TCF7L2: variants seen among roughly 807,000 people sequenced by gnomAD.
The protein encoded by TCF7L2 is transcription factor 7-like 2.
Under a neutral mutation model 77.9 loss-of-function variants are expected in TCF7L2, and 23 were observed. The ratio of observed to expected loss-of-function variants is 0.30; its 90% CI spans 0.21 to 0.42. The LOEUF (loss-of-function observed/expected upper bound fraction) is 0.42, where lower values mean the gene tolerates loss of function less well. Among genes scored for constraint, TCF7L2 ranks in the 10% least tolerant of loss-of-function variants. The probability of loss-of-function intolerance (pLI) is 1.00; values close to 1 mark genes in which losing one functional copy is unlikely to be tolerated. For synonymous variants in TCF7L2, 413 were observed against 340.2 expected, an observed-to-expected ratio of 1.21 and a Z score of -2.36; for missense variants, 654 against 793.1, an observed-to-expected ratio of 0.82 and a Z score of 2.11.
At chr10:113,066,823 A>G (rs1279291715) in intron 5 of TCF7L2, among the ~76,000 whole-genome samples, 1 of 152,234 alleles carries the variant, frequency 6.6e-6, no homozygotes, top group Admixed American at 6.5e-5. Context: ...CGGTATTGAC[A>G]GATGAGGAGG....
chr10:113,074,638 C>T (rs1014613963), intron 5 of TCF7L2, among the ~76,000 whole-genome samples: 73 of 152,170 alleles, frequency 4.8e-4, no homozygotes, highest in Admixed American at 4.7e-3. Context: ...TTCCTGATCT[C>T]GGTTGAGTAT....
intron 4 of TCF7L2, among the ~76,000 whole-genome samples, chr10:112,972,577 T>C (rs2038511156): frequency 6.6e-6 from 1 of 152,112 alleles, no homozygotes; most frequent in Non-Finnish European, 1.5e-5. Context: ...CTAAGGTGAT[T>C]CTCCCACCTC....
chr10:113,101,571 G>A (rs992872681), intron 5 of TCF7L2, among the ~76,000 whole-genome samples: 17 of 152,052 alleles, frequency 1.1e-4, no homozygotes, highest in African/African-American at 3.6e-4. Context: ...GGCTGGGCGC[G>A]GTGGCTCACG....
chr10:113,126,032 A>G (rs1033140826), intron 5 of TCF7L2: 3 of 152,072 alleles, frequency 2.0e-5, no homozygotes, highest in Non-Finnish European at 2.9e-5. Context: ...TACTATGCTT[A>G]GAAGACGCGC....
At chr10:113,035,609 C>A (rs1424578289) in intron 4 of TCF7L2, among the ~76,000 whole-genome samples, 3 of 152,210 alleles carry the variant, frequency 2.0e-5, no homozygotes, top group Admixed American at 6.5e-5. Context: ...GTTGCCCAGG[C>A]TGGTCTGGAA....
chr10:113,009,012 T>C (rs755543398), intron 4 of TCF7L2, among the ~76,000 whole-genome samples: 1 of 152,182 alleles, frequency 6.6e-6, no homozygotes, highest in Non-Finnish European at 1.5e-5. Flanking sequence ...CGCAATCCAC[T>C]GTAACCATTG....
rs934984352 is a variant in TCF7L2, at chr10:113,167,095, C to T, written c.*1123C>T. On this transcript the variant is annotated 3_prime_UTR_variant, in exon 14 of 14. Transcript: ENST00000627217. ...GTGCCAAAATTCTCAGTGAATTTAG[C>T]TTTCTCCCTCTTTTTGATGCTGTAA... 2 of 230,194 alleles carry T rather than the reference C, an allele frequency of 8.7e-6. No individual in the cohort carries two copies. The highest frequency in any genetic ancestry group is 1.7e-5 in the Non-Finnish European group (2 of 116,182). The allele number at this position is 230,194 out of a possible 1,614,324, so 14.3% of individuals were successfully genotyped here. A position where few individuals can be genotyped will look rare whatever the true frequency, so the allele number is the denominator to read the frequency against.
intron 5 of TCF7L2, among the ~76,000 whole-genome samples, chr10:113,066,321 C>T (rs1364071864): frequency 1.3e-5 from 2 of 151,262 alleles, no homozygotes; most frequent in East Asian, 1.9e-4. Context: ...GCTGAGATTG[C>T]GCCATTGCAC....
At chr10:113,014,021 A>G (rs558961833) in intron 4 of TCF7L2, among the ~76,000 whole-genome samples, 2 of 152,328 alleles carry the variant, frequency 1.3e-5, no homozygotes, top group Admixed American at 6.5e-5. Flanking sequence ...AGGCCCCTAA[A>G]AGGGGTCCCT....
intron 5 of TCF7L2, among the ~76,000 whole-genome samples, chr10:113,111,064 A>T (rs2063070466): frequency 1.4e-5 from 2 of 147,680 alleles, no homozygotes; most frequent in African/African-American, 5.0e-5. Flanking sequence ...CTAAGTGGTG[A>T]TTAAAAACTT....
chr10:113,131,840 G>T (rs1178013298), intron 5 of TCF7L2, among the ~76,000 whole-genome samples: 1 of 152,168 alleles, frequency 6.6e-6, no homozygotes, highest in Admixed American at 6.5e-5. Flanking sequence ...ATGCCCTCCA[G>T]ATTACGTAGT....
At chr10:113,012,329 C>T (rs188455706) in intron 4 of TCF7L2, among the ~76,000 whole-genome samples, 2 of 152,252 alleles carry the variant, frequency 1.3e-5, no homozygotes, top group East Asian at 1.9e-4. Flanking sequence ...CTGACTGCTC[C>T]GTTTATGAAA....
chr10:113,100,617 C>G (rs998661090), intron 5 of TCF7L2, among the ~76,000 whole-genome samples: 1 of 152,104 alleles, frequency 6.6e-6, no homozygotes, highest in African/African-American at 2.4e-5. Flanking sequence ...GCTTAGAATT[C>G]CATGAACCAA....
intron 5 of TCF7L2, among the ~76,000 whole-genome samples, chr10:113,133,568 G>A (rs72828131): frequency 1.4e-4 from 22 of 152,310 alleles, no homozygotes; most frequent in Non-Finnish European, 2.5e-4. Context: ...TGAAGTGATC[G>A]AGTTAGTTCT....
chr10:113,003,489 G>A (rs191696782), intron 4 of TCF7L2, among the ~76,000 whole-genome samples: 213 of 152,272 alleles, frequency 1.4e-3, no homozygotes, highest in Non-Finnish European at 2.0e-3. Flanking sequence ...AAGAATGACT[G>A]CCCTCTATTT....
rs368587319 is a variant in TCF7L2 at position 112,984,127 on chromosome 10, A to G, written c.450+19503A>G. Among the ~76,000 whole-genome samples, 10 of 152,326 alleles carry G rather than the reference A, an allele frequency of 6.6e-5. No individual in the cohort carries two copies. In the East Asian group the frequency reaches 1.5e-3, roughly 24 times the overall value. ...TATTGCTATCTGTCTTTAAGCTTTC[A>G]GAAGCCAAAATGAAAAGAGAAATCA... On this transcript the variant is annotated intron_variant, in intron 4 of 13. Coordinates refer to ENST00000627217, the MANE Select transcript of TCF7L2 (RefSeq NM_001146274.2).
At position 113,018,103 on chromosome 10, in the gene TCF7L2, CCT is replaced by C. The variant is rs529269332; in HGVS notation, c.451-21921_451-21920del. Among the ~76,000 whole-genome samples, 21 of 152,238 alleles carry C rather than the reference CCT, an allele frequency of 1.4e-4. 1 individual carries two copies. In the East Asian group the frequency reaches 4.1e-3, roughly 29 times the overall value. On this transcript the variant is annotated intron_variant, in intron 4 of 13. Coordinates refer to ENST00000627217, the MANE Select transcript of TCF7L2 (RefSeq NM_001146274.2). Reference sequence around the variant, plus strand: ...GACACTGAATAATTTAATGCATGCCCCTGATTCCATCACTGACTGTTGAGGTA... The same window carrying C: ...GACACTGAATAATTTAATGCATGCCCGATTCCATCACTGACTGTTGAGGTA...
intron 4 of TCF7L2, among the ~76,000 whole-genome samples, chr10:112,978,805 A>T (rs1416323222): frequency 6.6e-6 from 1 of 151,850 alleles, no homozygotes; most frequent in Non-Finnish European, 1.5e-5. Flanking sequence ...ATATAATAAT[A>T]TATGATTCCA....
chr10:113,144,795 CTG>C (rs141383320), intron 7 of TCF7L2, among the ~76,000 whole-genome samples: 8 of 152,290 alleles, frequency 5.3e-5, no homozygotes, highest in Admixed American at 4.6e-4. Context: ...CTTAAAAAAA[CTG>C]TGTTTTAAAT....
Sources: allele counts gnomAD v4.1 joint callset (sites outside exome capture counted in the v4.1 genomes callset), GRCh38; gene constraint gnomAD v4.1.1; transcripts MANE v1.5; gene names NCBI Gene and HGNC (gene_info 2026-07-23, HGNC 2026-07-21).